The following RMST variants were observed in gnomAD, a reference collection of about 807,000 sequenced individuals.
RMST encodes the protein long intergenic non-protein coding RNA 54.
At chr12:97,512,788 C>T (rs888306171) in intron 10 of RMST, among the ~76,000 whole-genome samples, 23 of 152,254 alleles carry the variant, frequency 1.5e-4, no homozygotes, top group African/African-American at 5.3e-4. Flanking sequence ...TGCGCCTGCA[C>T]TCCTTAGCCC....
chr12:97,525,710 T>TAACAAGGCAAAA, intron 10 of RMST, among the ~76,000 whole-genome samples: 1 of 152,154 alleles, frequency 6.6e-6, no homozygotes, highest in South Asian at 2.1e-4. Context: ...AAAAGCCTTG[T>TAACAAGGCAAAA]TAAACAAAAG....
chr12:97,529,380 G>A (rs1881424203), intron 10 of RMST, among the ~76,000 whole-genome samples: 1 of 151,994 alleles, frequency 6.6e-6, no homozygotes, highest in South Asian at 2.1e-4. Context: ...TTAATATAGT[G>A]CACCACAACT....
intron 5 of RMST, among the ~76,000 whole-genome samples, chr12:97,474,905 C>T (rs1244948611): frequency 6.6e-6 from 1 of 152,078 alleles, no homozygotes; most frequent in Non-Finnish European, 1.5e-5. Context: ...GACGATACAC[C>T]TCTTTGGTAC....
intron 11 of RMST, among the ~76,000 whole-genome samples, chr12:97,558,118 G>C (rs1287944923): frequency 6.6e-6 from 1 of 151,742 alleles, no homozygotes; most frequent in African/African-American, 2.4e-5. Flanking sequence ...TTCTTACTTA[G>C]CTTCTCCTTC....
At chr12:97,484,438 T>C (rs1875831122) in intron 5 of RMST, among the ~76,000 whole-genome samples, 1 of 152,200 alleles carries the variant, frequency 6.6e-6, no homozygotes, top group South Asian at 2.1e-4. Flanking sequence ...GCTACATGCT[T>C]TTAGTCATAT....
At chr12:97,539,156 G>GA (rs2136615461) in intron 11 of RMST, among the ~76,000 whole-genome samples, 1 of 151,636 alleles carries the variant, frequency 6.6e-6, no homozygotes, top group East Asian at 1.9e-4. Context: ...TACACTGTCA[G>GA]AAAAAAGAAT....
At position 97,552,495 on chromosome 12, in the gene RMST, C is replaced by T. The variant is rs1366034849; in HGVS notation, n.1546-8042C>T. Reference sequence around the variant, plus strand: ...TCTCCCTTGATTGGGAATTGGACTCCTTTAGTTCCAAAGCCCTTCAGGGGT... The same window carrying T: ...TCTCCCTTGATTGGGAATTGGACTCTTTTAGTTCCAAAGCCCTTCAGGGGT... On this transcript the variant is annotated intron_variant and non_coding_transcript_variant, in intron 11 of 13. Coordinates refer to ENST00000640149, the Ensembl canonical transcript of RMST. Among the ~76,000 whole-genome samples the T allele has an allele frequency of 2.6e-5, 4 of 152,080 alleles. 1 individual carries two copies. The highest frequency in any genetic ancestry group is 5.9e-5 in the Non-Finnish European group (4 of 68,000).
chr12:97,524,135 G>A (rs988137302), intron 10 of RMST, among the ~76,000 whole-genome samples: 4 of 141,844 alleles, frequency 2.8e-5, no homozygotes, highest in Non-Finnish European at 6.1e-5. Flanking sequence ...TATCCATTGT[G>A]TTCTTTACAA....
chr12:97,467,290 G>A (rs1242995988), intron 5 of RMST, among the ~76,000 whole-genome samples: 1 of 151,884 alleles, frequency 6.6e-6, no homozygotes, highest in Non-Finnish European at 1.5e-5. Context: ...CACAAGTAAC[G>A]TTAATCACAT....
At chr12:97,505,541 G>A (rs541241260) in intron 10 of RMST, among the ~76,000 whole-genome samples, 11 of 152,310 alleles carry the variant, frequency 7.2e-5, no homozygotes, top group East Asian at 1.9e-4. Flanking sequence ...CATGCAAACC[G>A]TAAATATAAA....
chr12:97,471,943 G>T (rs1873966364), intron 5 of RMST, among the ~76,000 whole-genome samples: 1 of 151,888 alleles, frequency 6.6e-6, no homozygotes. Flanking sequence ...GCAAATTTGG[G>T]GACATTGCAT....
At chr12:97,519,705 G>C (rs1372868272) in intron 10 of RMST, among the ~76,000 whole-genome samples, 1 of 152,116 alleles carries the variant, frequency 6.6e-6, no homozygotes, top group Non-Finnish European at 1.5e-5. Context: ...TTTTTTGTGA[G>C]GTCATTAGAA....
intron 11 of RMST, among the ~76,000 whole-genome samples, chr12:97,551,173 A>ATTT (rs1883282840): frequency 7.1e-6 from 1 of 141,474 alleles, no homozygotes; most frequent in African/African-American, 2.6e-5. Flanking sequence ...ATTGTTTTTA[A>ATTT]AAAAAAAAAA....
At chr12:97,528,804 T>A (rs1881364905) in intron 10 of RMST, among the ~76,000 whole-genome samples, 1 of 152,098 alleles carries the variant, frequency 6.6e-6, no homozygotes, top group Non-Finnish European at 1.5e-5. Flanking sequence ...GACATGTATT[T>A]CTTGAGAAAC....
intron 5 of RMST, among the ~76,000 whole-genome samples, chr12:97,481,969 ATTGT>A (rs1875346473): frequency 1.3e-5 from 2 of 152,198 alleles, no homozygotes; most frequent in Admixed American, 6.5e-5. Context: ...ATTTACAAAC[ATTGT>A]TTGTAAAGCC....
At position 97,506,383 on chromosome 12, in the gene RMST, C is replaced by T. The variant is rs551692482; in HGVS notation, n.1340+10327C>T. 9.9e-5 allele frequency among the ~76,000 whole-genome samples: 15 copies of T among 152,124 alleles called. No homozygotes were observed. In the East Asian group the frequency reaches 2.7e-3, roughly 27 times the overall value. On this transcript the variant is annotated intron_variant and non_coding_transcript_variant, in intron 10 of 13. Coordinates refer to ENST00000640149, the Ensembl canonical transcript of RMST. ...GTGAAATTCCATAATTATTTTTCAG[C>T]GATTAATATAAAATACTTATTTATC...
At chr12:97,555,385 G>A (rs2136660158) in intron 11 of RMST, among the ~76,000 whole-genome samples, 1 of 152,174 alleles carries the variant, frequency 6.6e-6, no homozygotes, top group South Asian at 2.1e-4. Context: ...ATGCTTTGGT[G>A]TATTTTATGG....
chr12:97,493,155 T>A (rs1224159725), intron 6 of RMST: 2 of 152,618 alleles, frequency 1.3e-5, no homozygotes, highest in Non-Finnish European at 2.9e-5. Context: ...ACTACACGAT[T>A]TTTGTTGCTA....
chr12:97,526,138 T>A (rs1032133714), intron 10 of RMST, among the ~76,000 whole-genome samples: 14 of 152,098 alleles, frequency 9.2e-5, no homozygotes, highest in African/African-American at 3.4e-4. Flanking sequence ...ATAATAGATA[T>A]AAAGTGCACA....
Sources: gnomAD v4.1 joint callset for allele counts (sites outside exome capture counted in the v4.1 genomes callset) on GRCh38, gnomAD v4.1.1 for gene constraint, MANE v1.5 for transcripts, NCBI Gene and HGNC (gene_info 2026-07-23, HGNC 2026-07-21) for gene names.